The following KHDRBS2 variants were observed in gnomAD, a reference collection of about 807,000 sequenced individuals.
KHDRBS2 encodes the protein KH RNA binding domain containing, signal transduction associated 2.
A neutral mutation model predicts 44.3 loss-of-function variants in KHDRBS2; 26 were observed. The ratio of observed to expected loss-of-function variants is 0.59; its 90% CI spans 0.43 to 0.81. The LOEUF (loss-of-function observed/expected upper bound fraction) is 0.81, where lower values mean the gene tolerates loss of function less well. KHDRBS2 is among the 40% of genes least tolerant of loss of function. KHDRBS2 has a pLI of 0.00. For synonymous variants in KHDRBS2, 194 were observed against 151.1 expected, an observed-to-expected ratio of 1.28 and a Z score of -2.08; for missense variants, 476 against 433.1, an observed-to-expected ratio of 1.10 and a Z score of -0.88.
chr6:62,102,907 A>T (rs1444200588), intron 2 of KHDRBS2, among the ~76,000 whole-genome samples: 1 of 152,168 alleles, frequency 6.6e-6, no homozygotes, highest in East Asian at 1.9e-4. Flanking sequence ...ATGAGGTTAC[A>T]TGGACAACTG....
chr6:62,006,397 C>A (rs1457663265), intron 3 of KHDRBS2, among the ~76,000 whole-genome samples: 3 of 151,710 alleles, frequency 2.0e-5, no homozygotes, highest in Non-Finnish European at 4.4e-5. Context: ...TCATTTTCTC[C>A]AAAGAAATTG....
chr6:62,122,713 C>CGTGT (rs1562914913), intron 2 of KHDRBS2, among the ~76,000 whole-genome samples: 1 of 125,530 alleles, frequency 8.0e-6, no homozygotes, highest in African/African-American at 3.3e-5. Flanking sequence ...GAAGACACCA[C>CGTGT]CTGAAAGTGG....
At chr6:61,583,780 G>A in the KHDRBS2 span, among the ~76,000 whole-genome samples, 3 of 151,506 alleles carry the variant, frequency 2.0e-5, no homozygotes, top group East Asian at 1.9e-4. Context: ...AACCTGTACT[G>A]AACATATGGA....
intron 7 of KHDRBS2, among the ~76,000 whole-genome samples, chr6:61,708,732 A>G (rs1278623018): frequency 1.3e-5 from 2 of 151,656 alleles, no homozygotes; most frequent in African/African-American, 4.8e-5. Flanking sequence ...GATAGATAGT[A>G]AACAGTATAA....
At chr6:61,764,029 G>C (rs757527107) in intron 6 of KHDRBS2, among the ~76,000 whole-genome samples, 10 of 151,860 alleles carry the variant, frequency 6.6e-5, no homozygotes, top group Admixed American at 4.6e-4. Context: ...CCCTCCCTGT[G>C]TCCATGTGTT....
chr6:61,693,374 G>T, intron 8 of KHDRBS2, among the ~76,000 whole-genome samples: 1 of 152,076 alleles, frequency 6.6e-6, no homozygotes, highest in East Asian at 1.9e-4. Flanking sequence ...CAAGGTTATG[G>T]TGCTGAGCTC....
rs1799505007 is a variant in KHDRBS2, at chr6:62,091,582, C to T, written c.220-43588G>A. On this transcript the variant is annotated intron_variant, in intron 2 of 8. Coordinates refer to ENST00000281156, the MANE Select transcript of KHDRBS2 (RefSeq NM_152688.4). The stretch of plus-strand genomic sequence containing the variant: ...TCCATATGAGTGCAACTTGTTGTTG[C>T]AAGTTGGCTGACAGAATTACCAACA... Among the ~76,000 whole-genome samples, 4 of 152,220 alleles carry T rather than the reference C, an allele frequency of 2.6e-5. No individual in the cohort carries two copies. In the South Asian group the frequency reaches 6.2e-4, roughly 24 times the overall value.
At chr6:61,799,839 T>A (rs947143973) in intron 6 of KHDRBS2, among the ~76,000 whole-genome samples, 4 of 152,088 alleles carry the variant, frequency 2.6e-5, no homozygotes, top group African/African-American at 9.6e-5. Flanking sequence ...AATTCCACTG[T>A]GGTTCAATAA....
At chr6:61,755,791 C>T (rs1209175946) in intron 6 of KHDRBS2, among the ~76,000 whole-genome samples, 2 of 134,546 alleles carry the variant, frequency 1.5e-5, no homozygotes, top group South Asian at 2.4e-4. Context: ...CAGGGCAAGA[C>T]TCTGTCTCAA....
intron 1 of KHDRBS2, among the ~76,000 whole-genome samples, chr6:62,266,773 A>G (rs1406885624): frequency 1.3e-5 from 2 of 152,022 alleles, no homozygotes; most frequent in South Asian, 4.1e-4. Flanking sequence ...AAAGATGTCA[A>G]CAGAGAATAA....
chr6:61,771,580 GA>G (rs528695261), intron 6 of KHDRBS2, among the ~76,000 whole-genome samples: 43 of 152,222 alleles, frequency 2.8e-4, no homozygotes, highest in African/African-American at 9.6e-4. Context: ...AAGATCAAAA[GA>G]GACAAAGAAG....
chr6:62,130,083 G>T (rs1421325297), intron 2 of KHDRBS2, among the ~76,000 whole-genome samples: 1 of 152,138 alleles, frequency 6.6e-6, no homozygotes, highest in African/African-American at 2.4e-5. Context: ...ATTCCAAAAT[G>T]CTCAGAAGGG....
chr6:62,199,870 C>G (rs1388052060), intron 1 of KHDRBS2, among the ~76,000 whole-genome samples: 1 of 152,156 alleles, frequency 6.6e-6, no homozygotes, highest in Non-Finnish European at 1.5e-5. Context: ...CAGCATGGTA[C>G]TGGTACTAAA....
At chr6:61,574,095 T>G in the KHDRBS2 span, among the ~76,000 whole-genome samples, 4 of 151,936 alleles carry the variant, frequency 2.6e-5, no homozygotes, top group African/African-American at 9.7e-5. Context: ...TGTAAAAAAA[T>G]GAAACTGTAT....
At chr6:61,650,804 A>T in the KHDRBS2 span, among the ~76,000 whole-genome samples, 1 of 152,142 alleles carries the variant, frequency 6.6e-6, no homozygotes, top group South Asian at 2.1e-4. Context: ...AGTAATTATC[A>T]TCATTAGGTG....
At chr6:61,748,395 A>T (rs1409455909) in intron 6 of KHDRBS2, among the ~76,000 whole-genome samples, 1 of 152,108 alleles carries the variant, frequency 6.6e-6, no homozygotes, top group Non-Finnish European at 1.5e-5. Context: ...CTTAGGGCTG[A>T]TGACTTAGGG....
chr6:62,223,471 C>A (rs1165516477), intron 1 of KHDRBS2, among the ~76,000 whole-genome samples: 4 of 152,184 alleles, frequency 2.6e-5, no homozygotes, highest in African/African-American at 7.2e-5. Context: ...GGACATTTTC[C>A]CCATTGTCTT....
intron 2 of KHDRBS2, among the ~76,000 whole-genome samples, chr6:62,110,124 T>A (rs1159177209): frequency 1.3e-5 from 2 of 152,038 alleles, no homozygotes; most frequent in African/African-American, 2.4e-5. Context: ...ATATATCTCA[T>A]AAAATGATAC....
chr6:61,773,876 C>T (rs1417458628), intron 6 of KHDRBS2, among the ~76,000 whole-genome samples: 1 of 150,440 alleles, frequency 6.6e-6, no homozygotes, highest in Non-Finnish European at 1.5e-5. Flanking sequence ...AGCCAGTTTT[C>T]CCAGCACCAT....
Sources: allele counts gnomAD v4.1 joint callset (sites outside exome capture counted in the v4.1 genomes callset), GRCh38; gene constraint gnomAD v4.1.1; transcripts MANE v1.5; gene names NCBI Gene and HGNC (gene_info 2026-07-23, HGNC 2026-07-21).